The following TDRD3 variants were observed in gnomAD, a reference collection of about 807,000 sequenced individuals.
TDRD3 encodes the protein tudor domain-containing protein 3.
TDRD3 carries 45 observed loss-of-function variants against 86.7 expected under a neutral mutation model. The observed-to-expected ratio is 0.52, with a 90% confidence interval of 0.41 to 0.67. The LOEUF (loss-of-function observed/expected upper bound fraction) is 0.67. Ranked by LOEUF, TDRD3 falls within the 30% of genes least tolerant of loss-of-function variation. The pLI is 0.00. For synonymous variants in TDRD3, 298 were observed against 301.7 expected (o/e 0.99, Z 0.13); for missense variants, 814 against 889.0 (o/e 0.92, Z 1.07).
chr13:60,569,161 G>T (rs1381963163), intron 13 of TDRD3, among the ~76,000 whole-genome samples: 2 of 152,024 alleles, frequency 1.3e-5, no homozygotes, highest in Non-Finnish European at 2.9e-5. Context: ...TGGAGATGGG[G>T]TTTTGCCATG....
intron 8 of TDRD3, among the ~76,000 whole-genome samples, chr13:60,507,598 T>TA (rs1178577870): frequency 6.6e-6 from 1 of 151,922 alleles, no homozygotes; most frequent in East Asian, 1.9e-4. Flanking sequence ...ACTGGGTAAA[T>TA]AAAAAAATTA....
chr13:60,497,428 C>T (rs1181012275), intron 8 of TDRD3, among the ~76,000 whole-genome samples: 1 of 152,110 alleles, frequency 6.6e-6, no homozygotes, highest in Non-Finnish European at 1.5e-5. Flanking sequence ...AGTGAGCTCT[C>T]TTTACTACCT....
At chr13:60,444,775 T>G in intron 3 of TDRD3, 27 bp downstream of exon 3, 1 of 1,262,934 alleles carries the variant, frequency 7.9e-7, no homozygotes, top group Non-Finnish European at 1.1e-6. Flanking sequence ...ACTTCTTACA[T>G]TAATTAATTT....
intron 7 of TDRD3, among the ~76,000 whole-genome samples, chr13:60,487,286 G>C (rs1298341066): frequency 1.3e-5 from 2 of 152,088 alleles, no homozygotes; most frequent in African/African-American, 2.4e-5. Flanking sequence ...ACCTGAGCCT[G>C]ACCAACCTAG....
chr13:60,436,194 C>T (rs1218147627), intron 1 of TDRD3, among the ~76,000 whole-genome samples: 1 of 150,376 alleles, frequency 6.6e-6, no homozygotes, highest in Non-Finnish European at 1.5e-5. Context: ...AATATTTTCT[C>T]CTGCTCTGTG....
At position 60,548,240 on chromosome 13, in the gene TDRD3, C is replaced by T. The variant is rs79607993; in HGVS notation, c.2118+13007C>T. ...TTCTCAGAAATTAAGTCCTAGCCCACCCTCAGCCAAACTAAACTTAAAATG... is the reference window on the plus strand; with the variant it reads ...TTCTCAGAAATTAAGTCCTAGCCCATCCTCAGCCAAACTAAACTTAAAATG... On this transcript the variant is annotated intron_variant, in intron 12 of 13. Coordinates refer to ENST00000377881, the MANE Select transcript of TDRD3 (RefSeq NM_001146070.2). Among the ~76,000 whole-genome samples, 1,116 of 152,230 alleles carry T rather than the reference C, an allele frequency of 7.3e-3. 17 individuals are homozygous for T. Among genetic ancestry groups the T allele is most frequent in the African/African-American group, 0.025 (1,055 of 41,536 alleles).
At chr13:60,398,638 A>T (rs1954009130) in intron 1 of TDRD3, among the ~76,000 whole-genome samples, 1 of 152,340 alleles carries the variant, frequency 6.6e-6, no homozygotes, top group African/African-American at 2.4e-5. Flanking sequence ...ACAGGTGAGG[A>T]GACTGAGGCA....
intron 1 of TDRD3, among the ~76,000 whole-genome samples, chr13:60,410,773 G>C (rs971797340): frequency 3.9e-5 from 6 of 152,154 alleles, no homozygotes; most frequent in African/African-American, 1.4e-4. Flanking sequence ...TTTTGAAGTT[G>C]TGCAAGAGCT....
intron 10 of TDRD3, among the ~76,000 whole-genome samples, chr13:60,514,454 C>T (rs1243524895): frequency 6.6e-6 from 1 of 152,096 alleles, no homozygotes; most frequent in Non-Finnish European, 1.5e-5. Flanking sequence ...TTGTTGGGGG[C>T]CTATCACACT....
chr13:60,504,188 C>T (rs958821700), intron 8 of TDRD3, among the ~76,000 whole-genome samples: 1 of 152,320 alleles, frequency 6.6e-6, no homozygotes, highest in African/African-American at 2.4e-5. Context: ...GCAAAATTTA[C>T]ATTTTCATGC....
intron 1 of TDRD3, among the ~76,000 whole-genome samples, chr13:60,412,651 T>G (rs1462319083): frequency 6.6e-6 from 1 of 152,174 alleles, no homozygotes; most frequent in Non-Finnish European, 1.5e-5. Context: ...TTAATTAGTA[T>G]TTGTTTTGAA....
intron 6 of TDRD3, 51 bp downstream of exon 6, chr13:60,483,897 T>C: frequency 6.5e-7 from 1 of 1,549,760 alleles, no homozygotes; most frequent in South Asian, 1.1e-5. Context: ...AAAGTGTTTT[T>C]CATTAGCATT....
At chr13:60,453,568 C>T (rs1468505508) in intron 3 of TDRD3, among the ~76,000 whole-genome samples, 2 of 152,128 alleles carry the variant, frequency 1.3e-5, no homozygotes, top group Non-Finnish European at 2.9e-5. Flanking sequence ...AAGTGCAATT[C>T]TAGAAAAGGC....
intron 12 of TDRD3, chr13:60,537,269 A>G (rs1012048317): frequency 6.6e-6 from 1 of 152,092 alleles, no homozygotes; most frequent in Non-Finnish European, 1.5e-5. Context: ...GATCATGCAC[A>G]TTATGATCAG....
intron 13 of TDRD3, among the ~76,000 whole-genome samples, chr13:60,573,169 G>A (rs910948755): frequency 2.3e-4 from 35 of 152,318 alleles, no homozygotes; most frequent in African/African-American, 8.4e-4. Context: ...GGAGCAGGCA[G>A]GGGGAGGTGA....
chr13:60,559,516 A>G (rs1001753012), intron 12 of TDRD3, among the ~76,000 whole-genome samples: 3 of 152,194 alleles, frequency 2.0e-5, no homozygotes, highest in Non-Finnish European at 2.9e-5. Context: ...TAACTATACT[A>G]TTTCAACAAA....
At chr13:60,396,362 CCTCT>C (rs959434303), upstream of TDRD3, 13 of 152,256 alleles carry the variant, frequency 8.5e-5, no homozygotes, top group African/African-American at 3.1e-4. Context: ...TCCGCCTGTT[CCTCT>C]CTGATTGGCC....
At chr13:60,429,942 A>G (rs1269952658) in intron 1 of TDRD3, among the ~76,000 whole-genome samples, 4 of 152,206 alleles carry the variant, frequency 2.6e-5, no homozygotes, top group Non-Finnish European at 5.9e-5. Context: ...GAAAACTAAT[A>G]CTTATTTAGC....
intron 10 of TDRD3, 55 bp from the exon 11 acceptor site, chr13:60,528,312 T>G: frequency 6.7e-7 from 1 of 1,494,548 alleles, no homozygotes; most frequent in Admixed American, 2.3e-5. Flanking sequence ...TTTAAAATAA[T>G]TATTAATGCA....
Sources: allele counts gnomAD v4.1 joint callset (sites outside exome capture counted in the v4.1 genomes callset), GRCh38; gene constraint gnomAD v4.1.1; transcripts MANE v1.5; gene names NCBI Gene and HGNC (gene_info 2026-07-23, HGNC 2026-07-21).